The following TSPAN9 variants were observed in gnomAD, a reference collection of about 807,000 sequenced individuals.
TSPAN9 encodes tetraspanin-9.
In TSPAN9, 16 loss-of-function variants were observed where a neutral mutation model predicts 31.0. The observed-to-expected ratio is 0.52, with a 90% confidence interval of 0.35 to 0.78. The LOEUF is 0.78. TSPAN9 is among the 30% of genes least tolerant of loss of function. The pLI, the probability that TSPAN9 is intolerant of heterozygous loss-of-function variation, is 0.01. For synonymous variants in TSPAN9, 145 were observed against 121.6 expected (o/e 1.19, Z -1.27); for missense variants, 272 against 312.5 (o/e 0.87, Z 0.98).
chr12:3,084,434 C>G (rs11062495), intron 2 of TSPAN9, among the ~76,000 whole-genome samples: 36,527 of 151,998 alleles, frequency 0.24, 5,173 homozygotes, highest in South Asian at 0.38. Flanking sequence ...TTCCCTGAAC[C>G]CAATGGTGTA....
chr12:3,099,430 CT>C (rs2098310778), intron 2 of TSPAN9, among the ~76,000 whole-genome samples: 1 of 152,106 alleles, frequency 6.6e-6, no homozygotes, highest in Non-Finnish European at 1.5e-5. Context: ...CATTCTTGAG[CT>C]TTGGAGCGTA....
chr12:3,106,094 G>A (rs114628826), intron 2 of TSPAN9, among the ~76,000 whole-genome samples: 2,452 of 152,104 alleles, frequency 0.016, 71 homozygotes, highest in African/African-American at 0.053. Context: ...GTGCGCGCAC[G>A]CACACACACA....
At chr12:3,078,388 G>GA (rs1591616434) in intron 1 of TSPAN9, among the ~76,000 whole-genome samples, 1 of 152,104 alleles carries the variant, frequency 6.6e-6, no homozygotes, top group East Asian at 1.9e-4. Context: ...GACTAGTGGA[G>GA]AAAACTGAAG....
rs1016102022 is a variant in TSPAN9 at position 3,283,266 on chromosome 12, G to C, written c.*150G>C. 1.4e-5 allele frequency: 11 copies of C among 775,114 alleles called. No individual in the cohort carries two copies. In the African/African-American group the frequency reaches 1.6e-4, roughly 11 times the overall value. The allele number at this position is 775,114 out of a possible 1,614,324, so 48.0% of individuals were successfully genotyped here. The stretch of plus-strand genomic sequence containing the variant: ...CCCCACCTACCCTGCCTCAGCCTCG[G>C]ACTTCTCAGTGGGTGGAGTGCCAGG... On this transcript the variant is annotated 3_prime_UTR_variant, in exon 9 of 9. Transcript: ENST00000011898.
chr12:3,224,144 C>T (rs1248702790), intron 3 of TSPAN9, among the ~76,000 whole-genome samples: 2 of 152,154 alleles, frequency 1.3e-5, no homozygotes, highest in African/African-American at 4.8e-5. Flanking sequence ...AGTCAGAATC[C>T]TTACCGCCTC....
intron 2 of TSPAN9, among the ~76,000 whole-genome samples, chr12:3,198,923 G>A (rs144208787): frequency 2.0e-5 from 3 of 151,076 alleles, no homozygotes; most frequent in South Asian, 2.1e-4. Context: ...TGTGATGAGG[G>A]TCTGGAAGTC....
intron 1 of TSPAN9, among the ~76,000 whole-genome samples, chr12:3,077,753 G>A (rs1413528111): frequency 6.6e-6 from 1 of 152,154 alleles, no homozygotes; most frequent in African/African-American, 2.4e-5. Context: ...TTCAGAAAGG[G>A]AGTAACCCGG....
chr12:3,156,804 G>A (rs1281912978), intron 2 of TSPAN9, among the ~76,000 whole-genome samples: 3 of 151,980 alleles, frequency 2.0e-5, no homozygotes, highest in Non-Finnish European at 2.9e-5. Flanking sequence ...CACCACTCCC[G>A]GCCTGCTTAG....
intron 3 of TSPAN9, among the ~76,000 whole-genome samples, chr12:3,255,782 A>G (rs1488494048): frequency 6.6e-6 from 1 of 152,232 alleles, no homozygotes; most frequent in African/African-American, 2.4e-5. Flanking sequence ...AGACAAATAA[A>G]TGAACCCATG....
rs972804062 is a variant in TSPAN9, at chr12:3,283,227, C to G, written c.*111C>G. Reference sequence around the variant, plus strand: ...AGATATGACCCCTGCACCCACCCCCCACAGCCTGCCCTACCCCACCTACCC... The same window carrying G: ...AGATATGACCCCTGCACCCACCCCCGACAGCCTGCCCTACCCCACCTACCC... On this transcript the variant is annotated 3_prime_UTR_variant, in exon 9 of 9. Transcript: ENST00000011898. 3.2e-5 allele frequency: 36 copies of G among 1,137,566 alleles called. 1 individual carries two copies. Among genetic ancestry groups the G allele is most frequent in the African/African-American group, 1.2e-4 (8 of 64,782 alleles). The allele number at this position is 1,137,566 out of a possible 1,614,324, so 70.5% of individuals were successfully genotyped here.
chr12:3,270,176 G>A (rs964748600), intron 3 of TSPAN9, among the ~76,000 whole-genome samples: 2 of 152,218 alleles, frequency 1.3e-5, no homozygotes, highest in African/African-American at 4.8e-5. Flanking sequence ...GGAGGAAGAA[G>A]GCCTGTGGGT....
chr12:3,106,201 G>T (rs936052879), intron 2 of TSPAN9, among the ~76,000 whole-genome samples: 1 of 152,250 alleles, frequency 6.6e-6, no homozygotes, highest in African/African-American at 2.4e-5. Context: ...GTGTTTGGGG[G>T]ACACATGTCA....
chr12:3,159,110 A>G (rs911105589), intron 2 of TSPAN9, among the ~76,000 whole-genome samples: 6 of 151,526 alleles, frequency 4.0e-5, no homozygotes, highest in African/African-American at 1.5e-4. Context: ...GTTCTTAGGC[A>G]TTTTTCTTTC....
intron 3 of TSPAN9, among the ~76,000 whole-genome samples, chr12:3,247,261 G>A (rs930499340): frequency 6.6e-6 from 1 of 151,168 alleles, no homozygotes; most frequent in Admixed American, 6.6e-5. Flanking sequence ...GAGGAGCTGC[G>A]GTGACAGCTG....
intron 1 of TSPAN9, among the ~76,000 whole-genome samples, chr12:3,080,670 T>G (rs1380111118): frequency 6.6e-6 from 1 of 152,258 alleles, no homozygotes; most frequent in East Asian, 1.9e-4. Context: ...TTAACCATTC[T>G]TAAATGTACA....
chr12:3,199,572 C>T (rs1440823110), intron 2 of TSPAN9, among the ~76,000 whole-genome samples: 1 of 152,244 alleles, frequency 6.6e-6, no homozygotes, highest in African/African-American at 2.4e-5. Flanking sequence ...ACTCTTGGCA[C>T]AGGCGGGGTG....
intron 2 of TSPAN9, among the ~76,000 whole-genome samples, chr12:3,131,285 G>A (rs2098329742): frequency 6.6e-6 from 1 of 152,188 alleles, no homozygotes; most frequent in Non-Finnish European, 1.5e-5. Context: ...AATAGCCAGA[G>A]GTCACATGCA....
At chr12:3,247,362 G>T (rs1040385143) in intron 3 of TSPAN9, among the ~76,000 whole-genome samples, 2 of 148,260 alleles carry the variant, frequency 1.3e-5, no homozygotes, top group African/African-American at 5.0e-5. Context: ...GATGGTTGGA[G>T]TGTAAGCCAG....
At chr12:3,091,689 C>T (rs543010399) in intron 2 of TSPAN9, among the ~76,000 whole-genome samples, 4 of 152,344 alleles carry the variant, frequency 2.6e-5, no homozygotes, top group Admixed American at 1.3e-4. Context: ...GGGCTTAACG[C>T]GTTTGAAATC....
Sources: allele counts gnomAD v4.1 joint callset (sites outside exome capture counted in the v4.1 genomes callset), GRCh38; gene constraint gnomAD v4.1.1; transcripts MANE v1.5; gene names NCBI Gene and HGNC (gene_info 2026-07-23, HGNC 2026-07-21).